Variants in ZC3H7B observed in about 807,000 individuals in gnomAD.
ZC3H7B encodes zinc finger CCCH domain-containing protein 7B.
Under a neutral mutation model 116.0 loss-of-function variants are expected in ZC3H7B, and 35 were observed. The observed-to-expected ratio is 0.30, with a 90% CI of 0.23 to 0.40. The LOEUF (loss-of-function observed/expected upper bound fraction) is 0.40, where lower values mean the gene tolerates loss of function less well. Among genes scored for constraint, ZC3H7B ranks in the 10% least tolerant of loss-of-function variants. The pLI is 1.00. For missense variants in ZC3H7B, 1,011 were observed against 1,321.5 expected (o/e 0.77, Z 3.64); for synonymous variants, 502 against 545.6 (o/e 0.92, Z 1.11).
chr22:41,335,731 T>C (rs1015598241), intron 7 of ZC3H7B: 4 of 152,408 alleles, frequency 2.6e-5, no homozygotes, highest in Non-Finnish European at 5.8e-5. Context: ...GGGAAGGAGG[T>C]GCAGGGTGTT....
At chr22:41,332,460 A>C (rs1207108033) in intron 7 of ZC3H7B, 2 of 549,476 alleles carry the variant, frequency 3.6e-6, no homozygotes, top group African/African-American at 3.8e-5. Flanking sequence ...AACCCTGGCC[A>C]GGACACAGTC....
Position 41,325,805 on chromosome 22 carries a change from C to T in ZC3H7B, c.172C>T (p.Gln58Ter). 6.2e-7 allele frequency: 1 copy of T among 1,613,760 alleles called. No individual in the cohort carries two copies. The highest frequency in any genetic ancestry group is 8.5e-7 in the Non-Finnish European group (1 of 1,179,948). The change falls in exon 4 of 23, where the codon CAG (glutamine) becomes TAG (stop). Residue 58 changes from glutamine to a stop codon, truncating the protein, a stop_gained. Transcript: ENST00000352645. LOFTEE classifies it high-confidence loss of function. ...GAAGGACTATAAGCAGGCTCTGGTG[C>T]AGTACATGGAAGGGCTGAACGTGGC... The part of the protein sequence containing the change: ...REKDYKQALV[Q>*]YMEGLNVADY...
Position 41,327,153 on chromosome 22 carries a change from G to C in ZC3H7B, c.286-53G>C. On this transcript the variant is annotated intron_variant, in intron 4 of 22. Transcript: ENST00000352645. The surrounding 1 kb of genome is among the most constrained non-coding windows in gnomAD (Gnocchi z 4.5). The stretch of plus-strand genomic sequence containing the variant: ...TTCCTAGGCAGGGGCAGGAGGCCTG[G>C]GGGAGGGAGGGTAACAGGTGTTGAC... 2.5e-6 allele frequency: 4 copies of C among 1,597,432 alleles called. No individual in the cohort carries two copies. The highest frequency in any genetic ancestry group is 3.4e-6 in the Non-Finnish European group (4 of 1,170,118).
intron 1 of ZC3H7B, among the ~76,000 whole-genome samples, chr22:41,316,853 T>G (rs2036190940): frequency 1.3e-5 from 2 of 152,012 alleles, no homozygotes; most frequent in African/African-American, 4.8e-5. Flanking sequence ...TTTTTTTCTT[T>G]TCTTTTTTGA....
chr22:41,319,535 A>T (rs2036227887), intron 1 of ZC3H7B, among the ~76,000 whole-genome samples: 1 of 144,738 alleles, frequency 6.9e-6, no homozygotes, highest in Non-Finnish European at 1.5e-5. Flanking sequence ...ACACCACTGC[A>T]CTCCAGCCTG....
chr22:41,338,156 C>T lies in ZC3H7B; in HGVS notation c.583-157C>T, dbSNP rs1026989973. ...GTGCTGGGATTATAGGCATAAGCCA[C>T]CACGCCTGGCCGCATGTGAGGGCTT... On this transcript the variant is annotated intron_variant, in intron 7 of 22. Transcript: ENST00000352645. The surrounding 1 kb of genome is among the most constrained non-coding windows in gnomAD (Gnocchi z 4.5). 4.6e-5 allele frequency among the ~76,000 whole-genome samples: 7 copies of T among 152,128 alleles called. No homozygotes were observed. The highest frequency in any genetic ancestry group is 6.5e-5 in the Admixed American group (1 of 15,270).
intron 14 of ZC3H7B, among the ~76,000 whole-genome samples, chr22:41,347,335 G>A (rs1003209598): frequency 2.0e-5 from 3 of 152,228 alleles, no homozygotes; most frequent in African/African-American, 7.2e-5. Context: ...GCCTTTCCTC[G>A]GCCCTCCTGG....
rs1359034285 is a variant in ZC3H7B, at chr22:41,338,395, C to T, written c.625+40C>T. ...ACGAGGGAACAAGTGGAAATTGGGG[C>T]CCCGAGAGGTCAGGGGAGTCGAGCC... On this transcript the variant is annotated intron_variant, in intron 8 of 22. Coordinates refer to ENST00000352645, the MANE Select transcript of ZC3H7B (RefSeq NM_017590.6). The surrounding 1 kb of genome is among the most constrained non-coding windows in gnomAD (Gnocchi z 4.5). 2 of 1,607,458 alleles carry T rather than the reference C, an allele frequency of 1.2e-6. No individual in the cohort carries two copies. Among genetic ancestry groups the T allele is most frequent in the East Asian group, 2.2e-5 (1 of 44,716 alleles).
chr22:41,343,606 C>G, intron 13 of ZC3H7B, 30 bp downstream of exon 13: 1 of 1,556,590 alleles, frequency 6.4e-7, no homozygotes. Context: ...GCAGGCAGCA[C>G]AGCTGGGGCC....
chr22:41,324,315 T>C (rs5758296), intron 2 of ZC3H7B, among the ~76,000 whole-genome samples: 149,333 of 152,296 alleles, frequency 0.98, 73,228 homozygotes, highest in Middle Eastern at 1. Context: ...TCCACACGCA[T>C]GTGCATACAC....
intron 1 of ZC3H7B, among the ~76,000 whole-genome samples, chr22:41,318,700 C>T (rs2145907154): frequency 6.6e-6 from 1 of 152,030 alleles, no homozygotes; most frequent in African/African-American, 2.4e-5. Flanking sequence ...AGTGATCATG[C>T]CATTCTGGGC....
intron 13 of ZC3H7B, among the ~76,000 whole-genome samples, chr22:41,344,319 A>G (rs1250380572): frequency 6.6e-6 from 1 of 152,136 alleles, no homozygotes; most frequent in Non-Finnish European, 1.5e-5. Flanking sequence ...CCCAGCAGCC[A>G]GGCTGGTCTA....
At position 41,330,892 on chromosome 22, in the gene ZC3H7B, G is replaced by T. The variant is rs571174388; in HGVS notation, c.525+789G>T. 9.0e-5 allele frequency among the ~76,000 whole-genome samples: 12 copies of T among 132,754 alleles called. No homozygotes were observed. The South Asian group carries it at 3.0e-3, about 33-fold the overall frequency. The allele number at this position is 132,754 out of a possible 152,430, so 87.1% of individuals were successfully genotyped here. A position where few individuals can be genotyped will look rare whatever the true frequency, so the allele number is the denominator to read the frequency against. On this transcript the variant is annotated intron_variant, in intron 6 of 22. Transcript: ENST00000352645. ...TTTTTTTTTTTTGAGACGGACTCTC[G>T]CTCTGTCACCCAGGCTGTAGTGCTG...
intron 1 of ZC3H7B, among the ~76,000 whole-genome samples, chr22:41,313,551 G>A (rs1447316756): frequency 6.6e-6 from 1 of 152,144 alleles, no homozygotes; most frequent in Non-Finnish European, 1.5e-5. Context: ...TGGCTGCTGG[G>A]TGCAGCCAGC....
intron 1 of ZC3H7B, among the ~76,000 whole-genome samples, chr22:41,312,581 C>A (rs556897491): frequency 6.6e-6 from 1 of 151,938 alleles, no homozygotes; most frequent in African/African-American, 2.4e-5. Context: ...TACAGTGAGA[C>A]CCTGCCTCTA....
Position 41,352,304 on chromosome 22 carries a change from G to A in ZC3H7B, c.2034+658G>A, listed in dbSNP as rs117265031. Among the ~76,000 whole-genome samples, 370 of 152,294 alleles carry A rather than the reference G, an allele frequency of 2.4e-3. 1 individual carries two copies. Among genetic ancestry groups the A allele is most frequent in the Non-Finnish European group, 4.4e-3 (301 of 68,026 alleles). On this transcript the variant is annotated intron_variant, in intron 17 of 22. Transcript: ENST00000352645. ...TCTCAGCTCACACATCAGGGGATGC[G>A]TCATCTCAGTGTGTCCCTTCACTGG...
At position 41,330,029 on chromosome 22, in the gene ZC3H7B, A is replaced by C; in HGVS notation, c.451A>C (p.Ser151Arg). The C allele has an allele frequency of 3.1e-6, 5 of 1,613,798 alleles. No individual in the cohort carries two copies. The highest frequency in any genetic ancestry group is 4.2e-6 in the Non-Finnish European group (5 of 1,179,988). Residue 151 changes from serine to arginine, a missense_variant, in exon 6 of 23, where the codon AGC (serine) becomes CGC (arginine). Physicochemically the swap from Ser to Arg is moderately radical, Grantham distance 110. Transcript: ENST00000352645. ...TGTGTCTTGTCCTCTGCAGGATGAA[A>C]GCGTGACTCAGCTTGGTCAGGAGCT... ...RCSLALPHDE[S>R]VTQLGQELAQ...
chr22:41,304,762 T>C (rs948897732), intron 1 of ZC3H7B, among the ~76,000 whole-genome samples: 1 of 152,226 alleles, frequency 6.6e-6, no homozygotes, highest in African/African-American at 2.4e-5. Flanking sequence ...CGAATTGTTA[T>C]AGTAGCTCCG....
At position 41,360,040 on chromosome 22, in the gene ZC3H7B, GATA is replaced by G. The variant is rs2036767120; in HGVS notation, c.*2617_*2619del. 1 of 152,460 alleles carries G rather than the reference GATA, an allele frequency of 6.6e-6. No individual in the cohort carries two copies. Among genetic ancestry groups the G allele is most frequent in the Non-Finnish European group, 1.5e-5 (1 of 68,034 alleles). 9.4% of individuals were successfully genotyped at this position (152,460 alleles called of 1,614,324 possible). On this transcript the variant is annotated 3_prime_UTR_variant, in exon 23 of 23. Coordinates refer to ENST00000352645, the MANE Select transcript of ZC3H7B (RefSeq NM_017590.6). ...AAATATTCATAAGGTCTAGTATCTTGATAATAATGTAGATGTTTTAATAACAAT... is the reference window on the plus strand; with the variant it reads ...AAATATTCATAAGGTCTAGTATCTTGATAATGTAGATGTTTTAATAACAAT...
Sources: gnomAD v4.1 joint callset for allele counts (sites outside exome capture counted in the v4.1 genomes callset) on GRCh38, gnomAD v4.1.1 for gene constraint, Gnocchi (gnomAD v3.1) non-coding constraint, MANE v1.5 for transcripts, NCBI Gene and HGNC (gene_info 2026-07-23, HGNC 2026-07-21) for gene names.